The following PTPRD variants were observed in gnomAD, a reference collection of about 807,000 sequenced individuals.
The protein encoded by PTPRD is protein tyrosine phosphatase receptor type D.
PTPRD carries 34 observed loss-of-function variants against 214.5 expected under a neutral mutation model. That is an observed-to-expected ratio of 0.16 (90% confidence interval 0.12 to 0.21). The LOEUF (loss-of-function observed/expected upper bound fraction) is 0.21, where lower values mean the gene tolerates loss of function less well. Among genes scored for constraint, PTPRD ranks in the 10% least tolerant of loss-of-function variants. The pLI, the probability that PTPRD is intolerant of heterozygous loss-of-function variation, is 1.00. For synonymous variants in PTPRD, 1,128 were observed against 845.7 expected (o/e 1.33, Z -5.79); for missense variants, 2,545 against 2,398.7 (o/e 1.06, Z -1.27).
chr9:10,105,276 T>C (rs904049645), intron 3 of PTPRD, among the ~76,000 whole-genome samples: 8 of 151,870 alleles, frequency 5.3e-5, no homozygotes, highest in African/African-American at 1.7e-4. Flanking sequence ...CATTAATTCA[T>C]CTTGAAGTAT....
chr9:9,760,089 G>A (rs2098638489), intron 6 of PTPRD, among the ~76,000 whole-genome samples: 2 of 152,074 alleles, frequency 1.3e-5, no homozygotes, highest in African/African-American at 4.8e-5. Context: ...GTTTCTCATA[G>A]TGTCTTGAGA....
At chr9:8,689,455 C>T (rs1335973595) in intron 12 of PTPRD, among the ~76,000 whole-genome samples, 5 of 150,996 alleles carry the variant, frequency 3.3e-5, no homozygotes, top group East Asian at 3.9e-4. Context: ...TTCCACATGG[C>T]TGGGAAGGCC....
intron 2 of PTPRD, among the ~76,000 whole-genome samples, chr9:10,463,014 A>C (rs2131364289): frequency 6.6e-6 from 1 of 150,962 alleles, no homozygotes; most frequent in African/African-American, 2.4e-5. Flanking sequence ...TCATTTGAGT[A>C]ATAGTCATTA....
chr9:8,553,814 T>A (rs541998410), intron 14 of PTPRD, among the ~76,000 whole-genome samples: 2 of 152,092 alleles, frequency 1.3e-5, no homozygotes, highest in African/African-American at 2.4e-5. Flanking sequence ...GTAAATTCTA[T>A]CCTAACTTAA....
chr9:9,995,842 C>A lies in PTPRD; in HGVS notation c.-472+37876G>T, dbSNP rs146680355. 2.0e-5 allele frequency among the ~76,000 whole-genome samples: 3 copies of A among 152,148 alleles called. 1 individual carries two copies. Among genetic ancestry groups the A allele is most frequent in the African/African-American group, 4.8e-5 (2 of 41,512 alleles). ...TTAGGTGGTAAAATGCTCTGTAAACCCACAATTCAATCCCCTATTACTCAG... is the reference window on the plus strand; with the variant it reads ...TTAGGTGGTAAAATGCTCTGTAAACACACAATTCAATCCCCTATTACTCAG... On this transcript the variant is annotated intron_variant, in intron 4 of 45. Coordinates refer to ENST00000381196, the MANE Select transcript of PTPRD (RefSeq NM_002839.4).
intron 14 of PTPRD, among the ~76,000 whole-genome samples, chr9:8,629,336 G>A (rs975231273): frequency 6.6e-6 from 1 of 151,856 alleles, no homozygotes; most frequent in Non-Finnish European, 1.5e-5. Context: ...CCTGCCTAGT[G>A]ATTGATAACA....
chr9:9,576,575 G>C (rs2088892144), intron 7 of PTPRD, among the ~76,000 whole-genome samples: 1 of 152,258 alleles, frequency 6.6e-6, no homozygotes, highest in South Asian at 2.1e-4. Context: ...GAATTAGAGT[G>C]ACCTTCTTTC....
intron 39 of PTPRD, among the ~76,000 whole-genome samples, chr9:8,367,462 T>C (rs975646160): frequency 9.9e-5 from 15 of 152,226 alleles, no homozygotes; most frequent in African/African-American, 3.1e-4. Context: ...CTATAATGTA[T>C]AGGACGGCTC....
chr9:10,195,281 G>C (rs2099393449), intron 3 of PTPRD, among the ~76,000 whole-genome samples: 2 of 152,144 alleles, frequency 1.3e-5, no homozygotes, highest in South Asian at 4.1e-4. Context: ...TTTGGAAAAG[G>C]AAGGTAATGA....
chr9:8,655,710 A>C (rs2096895196), intron 12 of PTPRD, among the ~76,000 whole-genome samples: 1 of 151,274 alleles, frequency 6.6e-6, no homozygotes, highest in South Asian at 2.1e-4. Context: ...TATTCCCTAG[A>C]GCATGACTCT....
chr9:9,683,984 G>A (rs913223750), intron 7 of PTPRD, among the ~76,000 whole-genome samples: 5 of 151,536 alleles, frequency 3.3e-5, no homozygotes, highest in Non-Finnish European at 5.9e-5. Context: ...AACACGCTCT[G>A]AAAATGACAG....
chr9:9,418,075 C>T (rs1350144166), intron 8 of PTPRD, among the ~76,000 whole-genome samples: 1 of 152,058 alleles, frequency 6.6e-6, no homozygotes, highest in Non-Finnish European at 1.5e-5. Context: ...TTTATCCTTT[C>T]TCATCTGTGT....
At chr9:9,743,490 T>C (rs984220801) in intron 6 of PTPRD, among the ~76,000 whole-genome samples, 4 of 152,108 alleles carry the variant, frequency 2.6e-5, no homozygotes, top group Admixed American at 6.6e-5. Flanking sequence ...TGTACTCAAG[T>C]GAGGGCTTAA....
chr9:9,539,232 C>G (rs904509409), intron 8 of PTPRD, among the ~76,000 whole-genome samples: 10 of 151,752 alleles, frequency 6.6e-5, no homozygotes, highest in African/African-American at 2.2e-4. Flanking sequence ...GGGATGCACA[C>G]TGAAGAATCA....
intron 3 of PTPRD, among the ~76,000 whole-genome samples, chr9:10,066,360 A>C (rs1314655921): frequency 2.0e-5 from 3 of 151,888 alleles, no homozygotes; most frequent in African/African-American, 7.2e-5. Flanking sequence ...CCTGATTTAC[A>C]ACCATGGTTC....
At chr9:8,735,101 G>C (rs1387289781) in intron 11 of PTPRD, among the ~76,000 whole-genome samples, 1 of 151,444 alleles carries the variant, frequency 6.6e-6, no homozygotes, top group Non-Finnish European at 1.5e-5. Flanking sequence ...TAGGTCTGTG[G>C]TGGGGATCCA....
chr9:9,889,795 G>A (rs1198158494), intron 5 of PTPRD, among the ~76,000 whole-genome samples: 3 of 150,904 alleles, frequency 2.0e-5, no homozygotes, highest in Non-Finnish European at 2.9e-5. Flanking sequence ...CTGAGTGTGT[G>A]TGTGTGTGTG....
chr9:9,053,695 G>A (rs181669480), intron 10 of PTPRD, among the ~76,000 whole-genome samples: 2 of 152,032 alleles, frequency 1.3e-5, no homozygotes, highest in Non-Finnish European at 2.9e-5. Context: ...ATAGCTCTAG[G>A]AAATTAGTAT....
At chr9:9,989,158 T>A (rs1458112693) in intron 4 of PTPRD, among the ~76,000 whole-genome samples, 1 of 151,976 alleles carries the variant, frequency 6.6e-6, no homozygotes, top group East Asian at 1.9e-4. Context: ...ATTTCTTACA[T>A]GTATCAACAT....
Sources: gnomAD v4.1 joint callset for allele counts (sites outside exome capture counted in the v4.1 genomes callset) on GRCh38, gnomAD v4.1.1 for gene constraint, MANE v1.5 for transcripts, NCBI Gene and HGNC (gene_info 2026-07-23, HGNC 2026-07-21) for gene names.